Variants in UXS1 observed in about 807,000 individuals in gnomAD.
UXS1 encodes UDP-glucuronate decarboxylase 1.
A neutral mutation model predicts 62.6 loss-of-function variants in UXS1; 33 were observed. That is an observed-to-expected ratio of 0.53 (90% confidence interval 0.40 to 0.70). The LOEUF (loss-of-function observed/expected upper bound fraction) is 0.70, where lower values mean the gene tolerates loss of function less well. Among genes scored for constraint, UXS1 ranks in the 30% least tolerant of loss-of-function variants. The pLI is 0.00. For synonymous variants in UXS1, 213 were observed against 206.8 expected, an observed-to-expected ratio of 1.03 and a Z score of -0.26; for missense variants, 434 against 556.3, an observed-to-expected ratio of 0.78 and a Z score of 2.21.
intron 1 of UXS1, chr2:106,166,334 G>A (rs1020487142): frequency 1.2e-5 from 5 of 403,952 alleles, no homozygotes; most frequent in Admixed American, 4.4e-5. Flanking sequence ...AAGTTGCCCT[G>A]AATATATGCT....
intron 1 of UXS1, among the ~76,000 whole-genome samples, chr2:106,173,617 T>C (rs1683697967): frequency 1.3e-5 from 2 of 152,226 alleles, no homozygotes; most frequent in East Asian, 1.9e-4. Flanking sequence ...TATTGCAGTT[T>C]TGTGGGACAT....
intron 1 of UXS1, among the ~76,000 whole-genome samples, chr2:106,170,471 T>A (rs1259530099): frequency 2.0e-5 from 3 of 152,226 alleles, no homozygotes; most frequent in African/African-American, 7.2e-5. Flanking sequence ...TAAAATTCGT[T>A]GAATGCATGC....
chr2:106,106,995 C>CT (rs987289830), intron 10 of UXS1, among the ~76,000 whole-genome samples: 27 of 150,888 alleles, frequency 1.8e-4, no homozygotes, highest in African/African-American at 6.6e-4. Context: ...ATTTTTTTTT[C>CT]TTTTTTCAAA....
intron 11 of UXS1, chr2:106,102,000 C>A (rs895349309): frequency 6.6e-6 from 1 of 152,222 alleles, no homozygotes; most frequent in Non-Finnish European, 1.5e-5. Flanking sequence ...AGGAGCAGGT[C>A]ACTCTGGGTC....
In UXS1 at chr2:106,125,678, C is replaced by T. The variant is rs760492177; in HGVS notation, c.579G>A (p.Gly193=). Residue 193 remains glycine, a splice_region_variant and synonymous_variant, in exon 8 of 15, where the codon GGG becomes GGA. Coordinates refer to ENST00000283148, the MANE Select transcript of UXS1 (RefSeq NM_001253875.2). Reference sequence around the variant, plus strand: ...GACGGGCACCGACTCGTTTTGCCAGCCCTACAGAAAGCAATGACATGATAA... The same window carrying T: ...GACGGGCACCGACTCGTTTTGCCAGTCCTACAGAAAGCAATGACATGATAA... The part of the protein sequence containing the change: ...TNTIGTLNML[G]LAKRVGARLL... 1.3e-6 allele frequency: 2 copies of T among 1,575,326 alleles called. No homozygotes were observed. Among genetic ancestry groups the T allele is most frequent in the Non-Finnish European group, 1.7e-6 (2 of 1,160,140 alleles).
At chr2:106,179,942 C>A (rs1302308069) in intron 1 of UXS1, among the ~76,000 whole-genome samples, 2 of 152,068 alleles carry the variant, frequency 1.3e-5, no homozygotes, top group African/African-American at 4.8e-5. Flanking sequence ...CCCATCTCTA[C>A]TAAAAAAAAT....
rs145705976 is a variant in UXS1, at chr2:106,146,280, T to C, written c.292-910A>G. Among the ~76,000 whole-genome samples the C allele has an allele frequency of 5.9e-5, 9 of 152,338 alleles. 1 individual carries two copies. The East Asian group carries it at 1.7e-3, about 29-fold the overall frequency. On this transcript the variant is annotated intron_variant, in intron 5 of 14. Coordinates refer to ENST00000283148, the MANE Select transcript of UXS1 (RefSeq NM_001253875.2). ...GTATCCTGTTCTCCACTCTGCCTTC[T>C]CTTCACCAAAATTCTCATTCATTTC...
intron 14 of UXS1, among the ~76,000 whole-genome samples, chr2:106,094,773 G>A (rs1163156453): frequency 2.0e-5 from 3 of 152,236 alleles, no homozygotes; most frequent in African/African-American, 7.2e-5. Flanking sequence ...ATCAACTGCT[G>A]ATTAACAGCA....
chr2:106,138,126 C>T, intron 6 of UXS1: 2 of 974,562 alleles, frequency 2.1e-6, no homozygotes, highest in Non-Finnish European at 2.4e-6. Flanking sequence ...CTTGAGAGTA[C>T]AGGAAGCCTC....
In UXS1 at chr2:106,141,487, G is replaced by T. The variant is rs186157878; in HGVS notation, c.472+3703C>A. Among the ~76,000 whole-genome samples, 156 of 152,152 alleles carry T rather than the reference G, an allele frequency of 1.0e-3. 2 individuals are homozygous for T. Among genetic ancestry groups the T allele is most frequent in the Non-Finnish European group, 2.2e-4 (15 of 67,996 alleles). On this transcript the variant is annotated intron_variant, in intron 6 of 14. Transcript: ENST00000283148. ...TTTATTTATTTATTTTTGAGACAGG[G>T]TCTTACTCTGTCACCCAGGCTGGAG...
rs1315845737 is a variant in UXS1 at position 106,189,955 on chromosome 2, C to A, written c.94+4193G>T. On this transcript the variant is annotated intron_variant, in intron 1 of 14. Coordinates refer to ENST00000283148, the MANE Select transcript of UXS1 (RefSeq NM_001253875.2). ...AACAGAAGTCCTGCAGTGGGTAGGT[C>A]CAGGCTGATGTGGGTGCAGGTGGTG... Among the ~76,000 whole-genome samples the A allele has an allele frequency of 1.3e-5, 2 of 152,112 alleles. 1 individual carries two copies. Among genetic ancestry groups the A allele is most frequent in the African/African-American group, 4.8e-5 (2 of 41,424 alleles).
At chr2:106,186,271 T>G (rs1684542474) in intron 1 of UXS1, among the ~76,000 whole-genome samples, 1 of 152,160 alleles carries the variant, frequency 6.6e-6, no homozygotes, top group Non-Finnish European at 1.5e-5. Context: ...GGCCATTCCT[T>G]CCAGGGGTCA....
At chr2:106,108,660 CG>C (rs1213737522) in intron 10 of UXS1, among the ~76,000 whole-genome samples, 7 of 151,968 alleles carry the variant, frequency 4.6e-5, no homozygotes, top group Non-Finnish European at 1.0e-4. Context: ...TACTGGGGGC[CG>C]GGGAACGAAG....
At chr2:106,159,809 G>T (rs1160413838) in intron 4 of UXS1, among the ~76,000 whole-genome samples, 1 of 152,140 alleles carries the variant, frequency 6.6e-6, no homozygotes, top group Non-Finnish European at 1.5e-5. Context: ...CTGAAGCAGG[G>T]GTTTCTCATC....
At chr2:106,158,340 G>A (rs142112714) in intron 4 of UXS1, among the ~76,000 whole-genome samples, 124 of 152,288 alleles carry the variant, frequency 8.1e-4, no homozygotes, top group African/African-American at 2.7e-3. Context: ...GACGTGACTT[G>A]AGATTCTATC....
intron 14 of UXS1, 147 bp downstream of exon 14, chr2:106,096,571 A>T: frequency 4.9e-6 from 3 of 608,304 alleles, no homozygotes; most frequent in Non-Finnish European, 8.4e-6. Context: ...GCTGTTTACC[A>T]CTTGGAGAAA....
intron 4 of UXS1, among the ~76,000 whole-genome samples, chr2:106,159,776 G>A (rs1308912138): frequency 6.6e-6 from 1 of 152,190 alleles, no homozygotes; most frequent in Non-Finnish European, 1.5e-5. Context: ...AAGGGAATAT[G>A]AAGGGTCATT....
intron 11 of UXS1, among the ~76,000 whole-genome samples, chr2:106,103,582 G>T (rs762994983): frequency 6.6e-6 from 1 of 152,222 alleles, no homozygotes; most frequent in Non-Finnish European, 1.5e-5. Flanking sequence ...TAAGTGCTTT[G>T]AAATGAACAC....
chr2:106,193,859 C>A (rs1442190214), intron 1 of UXS1, among the ~76,000 whole-genome samples: 2 of 152,098 alleles, frequency 1.3e-5, no homozygotes, highest in Non-Finnish European at 2.9e-5. Context: ...GCCGCCGAGT[C>A]CCCCGCGCCC....
Sources: gnomAD v4.1 joint callset for allele counts (sites outside exome capture counted in the v4.1 genomes callset) on GRCh38, gnomAD v4.1.1 for gene constraint, MANE v1.5 for transcripts, NCBI Gene and HGNC (gene_info 2026-07-23, HGNC 2026-07-21) for gene names.